Variants in C1orf141 observed in about 807,000 individuals in gnomAD.
The protein encoded by C1orf141 is uncharacterized protein C1orf141.
C1orf141 carries 19 observed loss-of-function variants against 23.2 expected under a neutral mutation model. That is an observed-to-expected ratio of 0.82 (90% CI 0.57 to 1.20). C1orf141 has a LOEUF of 1.20. C1orf141 is among the 50% of genes most tolerant of loss of function. The pLI is 0.00. For missense variants in C1orf141, 469 were observed against 455.1 expected (o/e 1.03, Z -0.28); for synonymous variants, 153 against 154.6 (o/e 0.99, Z 0.08).
chr1:67,139,554 A>G (rs1322747275), upstream of C1orf141, among the ~76,000 whole-genome samples: 1 of 152,220 alleles, frequency 6.6e-6, no homozygotes, highest in Admixed American at 6.5e-5. Context: ...CTTCTATTAA[A>G]GACCACAACT....
At chr1:67,125,713 A>G in intron 4 of C1orf141, 39 bp downstream of exon 4, 1 of 1,590,646 alleles carries the variant, frequency 6.3e-7, no homozygotes, top group Non-Finnish European at 8.6e-7. Context: ...CAAACAAACA[A>G]ATTCTGAACT....
chr1:67,125,676 G>T (rs747582336), intron 4 of C1orf141, 76 bp downstream of exon 4: 1 of 1,362,932 alleles, frequency 7.3e-7, no homozygotes, highest in Non-Finnish European at 1.0e-6. Flanking sequence ...TCTACCCTAG[G>T]CAATGAGTGA....
intron 5 of C1orf141, among the ~76,000 whole-genome samples, chr1:67,110,161 G>A (rs1195804634): frequency 2.0e-5 from 3 of 152,214 alleles, no homozygotes; most frequent in Admixed American, 1.3e-4. Context: ...AAATGTGAAA[G>A]TAAATAAATA....
At chr1:67,122,400 A>G (rs1342994571) in intron 4 of C1orf141, 2 of 152,192 alleles carry the variant, frequency 1.3e-5, no homozygotes, top group African/African-American at 4.8e-5. Context: ...CTAACATTTT[A>G]TTTTATATTT....
At position 67,103,263 on chromosome 1, in the gene C1orf141, CT is replaced by C. The variant is rs1645845456; in HGVS notation, c.347-6943del. The C allele has an allele frequency of 2.8e-6, 4 of 1,439,856 alleles. 1 individual carries two copies. The highest frequency in any genetic ancestry group is 5.0e-5 in the East Asian group (2 of 39,940). 89.2% of individuals were successfully genotyped at this position (1,439,856 alleles called of 1,614,324 possible). On this transcript the variant is annotated intron_variant, in intron 5 of 7. Coordinates refer to ENST00000684719, the MANE Select transcript of C1orf141 (RefSeq NM_001276351.2). ...CTGTAAATAAAGTAGAGTCTTTTTC[CT>C]TTTTATGAGCATTAGACTGAATGTT...
chr1:67,096,423 G>T (rs6670381), intron 5 of C1orf141, 102 bp from the exon 6 acceptor site: 459,111 of 637,584 alleles, frequency 0.72, 166,842 homozygotes, highest in East Asian at 0.88. Flanking sequence ...CATATGGAAA[G>T]TACCTAGTAT....
intron 5 of C1orf141, among the ~76,000 whole-genome samples, chr1:67,112,104 T>C (rs1326207196): frequency 6.6e-6 from 1 of 152,198 alleles, no homozygotes; most frequent in African/African-American, 2.4e-5. Flanking sequence ...TGGACTTAGA[T>C]AGCCTGGGTC....
chr1:67,093,584 G>C lies in C1orf141; in HGVS notation c.624C>G (p.Pro208=), dbSNP rs145161779. The C allele has an allele frequency of 9.9e-4, 1,549 of 1,567,232 alleles. 21 individuals are homozygous for C. The Middle Eastern group carries it at 0.011, about 12-fold the overall frequency. ...TSHMEQKDTN[P]IIFHDTEYVR... ...CATATTCTGTGTCATGGAAAATTAT[G>C]GGATTTGTGTCCTTTTGTTCCTGTA... Residue 208 remains proline, a synonymous_variant, in exon 8 of 8, where the codon CCC becomes CCG. Transcript: ENST00000684719.
chr1:67,135,915 A>AAG (rs1646581486), upstream of C1orf141, among the ~76,000 whole-genome samples: 1 of 150,978 alleles, frequency 6.6e-6, no homozygotes, highest in Non-Finnish European at 1.5e-5. Flanking sequence ...GCAAAAAAAA[A>AAG]AAAAAAAAAA....
chr1:67,094,941 G>A (rs1645640310), intron 7 of C1orf141: 2 of 249,086 alleles, frequency 8.0e-6, no homozygotes, highest in East Asian at 1.9e-4. Context: ...TGCTAGATTG[G>A]TACAGCCATT....
intron 2 of C1orf141, among the ~76,000 whole-genome samples, chr1:67,130,020 C>T (rs1368949890): frequency 6.6e-6 from 1 of 152,162 alleles, no homozygotes; most frequent in Non-Finnish European, 1.5e-5. Flanking sequence ...AGGGTAAAGG[C>T]ATTAGCATAA....
rs571365942 is a variant in C1orf141, at chr1:67,117,427, GA to G, written c.234-1964del. On this transcript the variant is annotated intron_variant, in intron 4 of 7. Transcript: ENST00000684719. The stretch of plus-strand genomic sequence containing the variant: ...GACAGAGAGAGATTCTGTCTCGAAA[GA>G]AAAAAAAAATTATTGAATGCATAAG... Among the ~76,000 whole-genome samples, 219 of 150,048 alleles carry G rather than the reference GA, an allele frequency of 1.5e-3. 1 individual carries two copies. Among genetic ancestry groups the G allele is most frequent in the Non-Finnish European group, 1.9e-3 (130 of 67,300 alleles).
chr1:67,094,189 A>C (rs938994836), intron 7 of C1orf141: 5 of 152,240 alleles, frequency 3.3e-5, no homozygotes, highest in African/African-American at 1.2e-4. Flanking sequence ...AGATTGACTT[A>C]AGAATAGACA....
rs112928620 is a variant in C1orf141, at chr1:67,125,989, A to G, written c.76-80T>C. On this transcript the variant is annotated intron_variant, in intron 3 of 7. Transcript: ENST00000684719. Reference sequence around the variant, plus strand: ...GGGAAAATCTTAGGTGGAAAGAAAAAAAATCTCACTTTACACACACACACA... The same window carrying G: ...GGGAAAATCTTAGGTGGAAAGAAAAGAAATCTCACTTTACACACACACACA... The G allele has an allele frequency of 1.9e-3, 2,654 of 1,393,548 alleles. 28 individuals carry two copies. In the African/African-American group the frequency reaches 0.033, roughly 17 times the overall value. 86.3% of individuals were successfully genotyped at this position (1,393,548 alleles called of 1,614,324 possible).
chr1:67,113,994 G>C (rs949560649), intron 5 of C1orf141, among the ~76,000 whole-genome samples: 1 of 152,148 alleles, frequency 6.6e-6, no homozygotes, highest in Non-Finnish European at 1.5e-5. Flanking sequence ...TTCCCTGAGA[G>C]TATTTGTGAT....
intron 5 of C1orf141, among the ~76,000 whole-genome samples, chr1:67,107,722 C>G (rs775003605): frequency 2.0e-4 from 31 of 152,160 alleles, no homozygotes; most frequent in Non-Finnish European, 4.6e-4. Flanking sequence ...AACCCTGTCT[C>G]TACTAAAAAT....
At chr1:67,095,079 G>A (rs1570671841) in intron 7 of C1orf141, 156 bp downstream of exon 7, 1 of 519,184 alleles carries the variant, frequency 1.9e-6, no homozygotes, top group East Asian at 3.1e-5. Flanking sequence ...GTTGTGCAAA[G>A]TGCATTAAGA....
chr1:67,106,144 T>C (rs769065546), intron 5 of C1orf141, among the ~76,000 whole-genome samples: 1 of 152,172 alleles, frequency 6.6e-6, no homozygotes, highest in Non-Finnish European at 1.5e-5. Context: ...GATAATTGAC[T>C]GCTAGAACAA....
At position 67,093,121 on chromosome 1, in the gene C1orf141, T is replaced by C; in HGVS notation, c.1087A>G (p.Ser363Gly). 6.2e-7 allele frequency: 1 copy of C among 1,613,972 alleles called. No individual in the cohort carries two copies. Among genetic ancestry groups the C allele is most frequent in the Non-Finnish European group, 8.5e-7 (1 of 1,179,862 alleles). ...AGKPTSIPTS[S>G]ALPVKCYSKP... ...GAGTAACATTTGACAGGTAAGGCAC[T>C]GGATGTGGGTATGCTCGTTGGTTTT... Residue 363 changes from serine to glycine, a missense_variant, in exon 8 of 8, where the codon AGT becomes GGT. Physicochemically the swap from Ser to Gly is moderately conservative, Grantham distance 56. This residue lies in a region of C1orf141 where 370 missense variants were observed against 348.1 expected (regional missense o/e 1.06). Coordinates refer to ENST00000684719, the MANE Select transcript of C1orf141 (RefSeq NM_001276351.2).
Sources: allele counts gnomAD v4.1 joint callset (sites outside exome capture counted in the v4.1 genomes callset), GRCh38; gene constraint gnomAD v4.1.1; regional missense constraint gnomAD v4.1.1; transcripts MANE v1.5; gene names NCBI Gene and HGNC (gene_info 2026-07-23, HGNC 2026-07-21).